Variants in DET1 observed in about 807,000 individuals in gnomAD.
The protein encoded by DET1 is DET1 homolog.
Under a neutral mutation model 43.7 loss-of-function variants are expected in DET1, and 22 were observed. The ratio of observed to expected loss-of-function variants is 0.50; its 90% confidence interval spans 0.36 to 0.72. The LOEUF is 0.72. DET1 is among the 30% of genes least tolerant of loss of function. The pLI, the probability that DET1 is intolerant of heterozygous loss-of-function variation, is 0.00. For missense variants in DET1, 713 were observed against 713.3 expected (o/e 1.00, Z 0.00); for synonymous variants, 315 against 266.2 (o/e 1.18, Z -1.79).
Position 88,513,144 on chromosome 15 carries a change from A to T in DET1, c.1464-4T>A, listed in dbSNP as rs765639184. ...GCCCGAGTCCCGGGCATAGAACCTA[A>T]AAAGAACAAGGACAGAGACAGAGAA... On this transcript the variant is annotated splice_region_variant and splice_polypyrimidine_tract_variant and intron_variant, in intron 4 of 4. Transcript: ENST00000268148. 1.2e-5 allele frequency: 19 copies of T among 1,605,408 alleles called. No homozygotes were observed. The highest frequency in any genetic ancestry group is 1.4e-5 in the Non-Finnish European group (17 of 1,175,454).
intron 3 of DET1, among the ~76,000 whole-genome samples, chr15:88,518,616 G>T (rs2056410039): frequency 6.6e-6 from 1 of 152,084 alleles, no homozygotes; most frequent in African/African-American, 2.4e-5. Flanking sequence ...TTCTTAGAAA[G>T]AATGTCAACT....
chr15:88,538,051 G>GACCT (rs2056998346), intron 1 of DET1, among the ~76,000 whole-genome samples: 1 of 152,190 alleles, frequency 6.6e-6, no homozygotes, highest in South Asian at 2.1e-4. Flanking sequence ...GGTATTTTCA[G>GACCT]AGCCTAGCAC....
At chr15:88,545,512 T>C (rs1288420826) in intron 1 of DET1, among the ~76,000 whole-genome samples, 1 of 152,250 alleles carries the variant, frequency 6.6e-6, no homozygotes, top group East Asian at 1.9e-4. Flanking sequence ...CATGTTCCAC[T>C]GGAACCCCTG....
chr15:88,513,081 C>T lies in DET1; in HGVS notation c.1523G>A (p.Arg508His), dbSNP rs777852532. The T allele has an allele frequency of 8.1e-6, 13 of 1,613,848 alleles. No homozygotes were observed. The Admixed American group carries it at 8.3e-5, about 10-fold the overall frequency. ...KFEIQAGLLG[R>H]PINHTVRRLV... The stretch of plus-strand genomic sequence containing the variant: ...GCGTCGCACTGTGTGGTTGATGGGG[C>T]GGCCCAATAACCCCGCCTGGATCTC... Residue 508 changes from arginine to histidine, a missense_variant, in exon 5 of 5, where the codon CGC (arginine) becomes CAC (histidine). Physicochemically the swap from Arg to His is conservative, Grantham distance 29. Coordinates refer to ENST00000268148, the MANE Select transcript of DET1 (RefSeq NM_001144074.3).
chr15:88,515,234 A>G (rs1430572812), intron 4 of DET1, among the ~76,000 whole-genome samples: 1 of 152,172 alleles, frequency 6.6e-6, no homozygotes, highest in Non-Finnish European at 1.5e-5. Context: ...AGGGGAAAGA[A>G]GAACCTACAG....
chr15:88,523,987 A>G (rs1356959092), intron 3 of DET1, among the ~76,000 whole-genome samples: 1 of 148,548 alleles, frequency 6.7e-6, no homozygotes, highest in Non-Finnish European at 1.5e-5. Context: ...CCCATCTAGG[A>G]AGTGAGGAGC....
chr15:88,539,100 TC>T (rs2057026756), intron 1 of DET1, among the ~76,000 whole-genome samples: 3 of 151,304 alleles, frequency 2.0e-5, no homozygotes, highest in Non-Finnish European at 4.4e-5. Flanking sequence ...GACCGCTCTC[TC>T]TCTCTCTCTC....
chr15:88,521,169 T>C (rs2056480555), intron 3 of DET1, among the ~76,000 whole-genome samples: 1 of 152,210 alleles, frequency 6.6e-6, no homozygotes, highest in Non-Finnish European at 1.5e-5. Context: ...CTGGCCTTCT[T>C]GTTGTCCCTC....
rs369794169 is a variant in DET1 at position 88,531,335 on chromosome 15, A to G, written c.371T>C (p.Phe124Ser). ...VNIRGRLFER[F>S]FVLLHITNVA... ...ATTGGTAATGTGCAGCAGGACAAAA[A>G]AGCGTTCAAAGAGCCGGCCCCGGAT... The change falls in exon 2 of 5, where the codon TTT becomes TCT. Residue 124 changes from phenylalanine (F) to serine (S), a missense_variant. By Grantham distance (155) the Phe-to-Ser change is radical (BLOSUM62 -2). Coordinates refer to ENST00000268148, the MANE Select transcript of DET1 (RefSeq NM_001144074.3). This position sits in a 1 kb window ranked among gnomAD's most constrained non-coding sequence, Gnocchi z 6.2. 2.5e-6 allele frequency: 4 copies of G among 1,613,838 alleles called. No homozygotes were observed. In the African/African-American group the frequency reaches 5.3e-5, roughly 22 times the overall value.
At chr15:88,518,122 T>G (rs1013179657) in intron 3 of DET1, among the ~76,000 whole-genome samples, 1 of 140,858 alleles carries the variant, frequency 7.1e-6, no homozygotes, top group African/African-American at 2.8e-5. Context: ...TTTTTTTTTT[T>G]GTAGAGACAG....
intron 4 of DET1, among the ~76,000 whole-genome samples, chr15:88,515,292 C>A (rs995089439): frequency 6.6e-6 from 1 of 151,992 alleles, no homozygotes; most frequent in African/African-American, 2.4e-5. Flanking sequence ...GTAATCCCAG[C>A]ACTTTGGGAG....
intron 2 of DET1, among the ~76,000 whole-genome samples, chr15:88,529,820 A>G (rs2056765203): frequency 6.6e-6 from 1 of 152,216 alleles, no homozygotes; most frequent in Non-Finnish European, 1.5e-5. Flanking sequence ...AGAGGTTTTC[A>G]AAGACAAATG....
intron 1 of DET1, among the ~76,000 whole-genome samples, chr15:88,539,167 G>T (rs1014640776): frequency 6.6e-6 from 1 of 151,680 alleles, no homozygotes; most frequent in Non-Finnish European, 1.5e-5. Flanking sequence ...AAAAAAAACT[G>T]TTATAAACTC....
At chr15:88,544,415 G>A (rs974604777) in intron 1 of DET1, among the ~76,000 whole-genome samples, 5 of 152,190 alleles carry the variant, frequency 3.3e-5, no homozygotes, top group African/African-American at 1.2e-4. Flanking sequence ...CTTAAGCTAA[G>A]AGATGCCCAA....
chr15:88,543,647 A>G (rs898698308), intron 1 of DET1, among the ~76,000 whole-genome samples: 1 of 152,216 alleles, frequency 6.6e-6, no homozygotes, highest in Non-Finnish European at 1.5e-5. Flanking sequence ...TTGTGGGCTC[A>G]GGCTTTACCA....
chr15:88,531,172 T>C lies in DET1; in HGVS notation c.534A>G (p.Glu178=). 1 of 1,613,920 alleles carries C rather than the reference T, an allele frequency of 6.2e-7. No homozygotes were observed. The highest frequency in any genetic ancestry group is 8.5e-7 in the Non-Finnish European group (1 of 1,179,868). Residue 178 remains glutamate, a synonymous_variant, in exon 2 of 5, where the codon GAA becomes GAG. Coordinates refer to ENST00000268148, the MANE Select transcript of DET1 (RefSeq NM_001144074.3). The surrounding 1 kb of genome is among the most constrained non-coding windows in gnomAD (Gnocchi z 6.2). Reference sequence around the variant, plus strand: ...GGGACCGTGGGTTGGGGGTCACTGATTCACTGTTCCGATATACCTCAAAAA... The same window carrying C: ...GGGACCGTGGGTTGGGGGTCACTGACTCACTGTTCCGATATACCTCAAAAA... ...PPFFEVYRNS[E]SVTPNPRSPL...
intron 1 of DET1, among the ~76,000 whole-genome samples, chr15:88,535,167 T>C (rs8030247): frequency 9.5e-4 from 145 of 152,296 alleles, no homozygotes; most frequent in African/African-American, 3.4e-3. Flanking sequence ...CATACAAAAC[T>C]CTTCTAGCTT....
At chr15:88,534,993 T>C (rs987874335) in intron 1 of DET1, among the ~76,000 whole-genome samples, 2 of 152,204 alleles carry the variant, frequency 1.3e-5, no homozygotes, top group African/African-American at 4.8e-5. Context: ...CTACAAAAGT[T>C]GGAATTCTCT....
chr15:88,503,404 C>T (rs2056107559), intron 8 of DET1: 1 of 152,158 alleles, frequency 6.6e-6, no homozygotes, highest in Admixed American at 6.5e-5. Flanking sequence ...TACAAAGACA[C>T]AAAAATATCA....
Sources: allele counts gnomAD v4.1 joint callset (sites outside exome capture counted in the v4.1 genomes callset), GRCh38; gene constraint gnomAD v4.1.1; non-coding constraint Gnocchi (gnomAD v3.1); transcripts MANE v1.5; gene names NCBI Gene and HGNC (gene_info 2026-07-23, HGNC 2026-07-21).